SIPA1L3: variants seen among roughly 807,000 people sequenced by gnomAD.
The protein encoded by SIPA1L3 is signal induced proliferation associated 1 like 3.
In SIPA1L3, 59 loss-of-function variants were observed where a neutral mutation model predicts 150.1. The observed-to-expected ratio is 0.39, with a 90% CI of 0.32 to 0.49. SIPA1L3 has a LOEUF of 0.49. Among genes scored for constraint, SIPA1L3 ranks in the 20% least tolerant of loss-of-function variants. The pLI, the probability that SIPA1L3 is intolerant of heterozygous loss-of-function variation, is 0.86. For synonymous variants in SIPA1L3, 1,070 were observed against 1,077.6 expected (o/e 0.99, Z 0.14); for missense variants, 2,211 against 2,489.5 (o/e 0.89, Z 2.38).
In SIPA1L3 at chr19:38,206,422, C is replaced by T. The variant is rs745534063; in HGVS notation, c.*182C>T. On this transcript the variant is annotated 3_prime_UTR_variant, in exon 22 of 22. Coordinates refer to ENST00000222345, the MANE Select transcript of SIPA1L3 (RefSeq NM_015073.3). ...TGAGTCAGGGTCAGCGCGCACAGCC[C>T]TCATGCCCCAGAGGGCGAAGTGGTC... 22 of 675,486 alleles carry T rather than the reference C, an allele frequency of 3.3e-5. No homozygotes were observed. Among genetic ancestry groups the T allele is most frequent in the Non-Finnish European group, 4.5e-5 (19 of 423,646 alleles). The allele number at this position is 675,486 out of a possible 1,614,324, so 41.8% of individuals were successfully genotyped here.
At chr19:38,120,791 G>A (rs1970997485) in intron 9 of SIPA1L3, among the ~76,000 whole-genome samples, 1 of 152,232 alleles carries the variant, frequency 6.6e-6, no homozygotes, top group African/African-American at 2.4e-5. Context: ...ATTGTGCTGA[G>A]AAGTACTCAG....
At chr19:38,018,182 T>TA (rs1968283386) in intron 1 of SIPA1L3, among the ~76,000 whole-genome samples, 1 of 147,404 alleles carries the variant, frequency 6.8e-6, no homozygotes, top group Non-Finnish European at 1.5e-5. Flanking sequence ...TTTTTTTTTT[T>TA]AGGCAGAGTC....
chr19:38,195,063 A>G (rs1475075315), intron 18 of SIPA1L3, among the ~76,000 whole-genome samples: 1 of 151,394 alleles, frequency 6.6e-6, no homozygotes, highest in Non-Finnish European at 1.5e-5. Flanking sequence ...AAAAAAAAAA[A>G]CTTCCCCTGC....
At chr19:38,050,991 G>T (rs1382981371) in intron 2 of SIPA1L3, among the ~76,000 whole-genome samples, 1 of 152,016 alleles carries the variant, frequency 6.6e-6, no homozygotes, top group African/African-American at 2.4e-5. Flanking sequence ...CCTGGGAGGC[G>T]GAGGTTGCAG....
chr19:38,055,530 A>C (rs1483413036), intron 2 of SIPA1L3, among the ~76,000 whole-genome samples: 1 of 152,232 alleles, frequency 6.6e-6, no homozygotes, highest in African/African-American at 2.4e-5. Flanking sequence ...CACTGGCCAT[A>C]ATCAGATACA....
intron 2 of SIPA1L3, among the ~76,000 whole-genome samples, chr19:38,061,197 T>C (rs1969438459): frequency 6.6e-6 from 1 of 151,670 alleles, no homozygotes; most frequent in Non-Finnish European, 1.5e-5. Context: ...AGTGACTCTT[T>C]TATTTAGCAC....
intron 21 of SIPA1L3, 139 bp from the exon 22 acceptor site, chr19:38,205,958 G>A (rs1973200374): frequency 6.2e-6 from 6 of 968,900 alleles, no homozygotes; most frequent in African/African-American, 1.7e-5. Context: ...AGAGTGGGAT[G>A]TGTGCCCCGG....
In SIPA1L3 at chr19:38,081,712, T is replaced by C; in HGVS notation, c.147T>C (p.Pro49=). 1.2e-6 allele frequency: 2 copies of C among 1,609,400 alleles called. No homozygotes were observed. Among genetic ancestry groups the C allele is most frequent in the Non-Finnish European group, 1.7e-6 (2 of 1,178,904 alleles). The change falls in exon 3 of 22, where the codon CCT becomes CCC. Residue 49 remains proline (P), a synonymous_variant. Transcript: ENST00000222345. ...FWAQNGSMSQ[P]LGESPATATA... The stretch of plus-strand genomic sequence containing the variant: ...CCCAGAATGGCAGCATGTCCCAGCC[T>C]CTTGGCGAGAGCCCGGCCACCGCCA...
Position 37,929,326 on chromosome 19 carries a change from C to T in SIPA1L3, c.-379+21968C>T, listed in dbSNP as rs372324773. Among the ~76,000 whole-genome samples, 5 of 152,276 alleles carry T rather than the reference C, an allele frequency of 3.3e-5. No individual in the cohort carries two copies. In the East Asian group the frequency reaches 7.7e-4, roughly 23 times the overall value. ...GGGGGAGGGATATTGGGTAGGCAGA[C>T]AATTGGTTTTGCTGCAGAAATAAGT... is the stretch of plus-strand genomic sequence containing the variant. On this transcript the variant is annotated intron_variant, in intron 1 of 21. Transcript: ENST00000222345.
rs751099909 is a variant in SIPA1L3 at position 38,081,537 on chromosome 19, G to C, written c.-29G>C. ...CATAGAGTGACACCACAGCGTACGGGGCCAGCAGCACTCCAGTGCCCGTGG... is the reference window on the plus strand; with the variant it reads ...CATAGAGTGACACCACAGCGTACGGCGCCAGCAGCACTCCAGTGCCCGTGG... On this transcript the variant is annotated 5_prime_UTR_variant, in exon 3 of 22. Transcript: ENST00000222345. The C allele has an allele frequency of 6.5e-7, 1 of 1,548,148 alleles. No homozygotes were observed. Among genetic ancestry groups the C allele is most frequent in the Admixed American group, 1.8e-5 (1 of 54,288 alleles).
intron 2 of SIPA1L3, among the ~76,000 whole-genome samples, chr19:38,051,032 G>A (rs1203286784): frequency 6.6e-6 from 1 of 152,158 alleles, no homozygotes; most frequent in Non-Finnish European, 1.5e-5. Context: ...GCACTCCAGC[G>A]TGGGTGACAG....
intron 21 of SIPA1L3, among the ~76,000 whole-genome samples, chr19:38,204,861 C>G (rs1015490301): frequency 6.6e-6 from 1 of 152,198 alleles, no homozygotes; most frequent in Non-Finnish European, 1.5e-5. Context: ...CAAGGACGTT[C>G]GTTGCCACAC....
chr19:38,120,180 C>T (rs534220512), intron 9 of SIPA1L3, among the ~76,000 whole-genome samples: 4 of 152,090 alleles, frequency 2.6e-5, no homozygotes, highest in African/African-American at 9.6e-5. Context: ...AAATGTAGGC[C>T]AGGCGCCATG....
At chr19:38,071,849 C>G (rs1390502744) in intron 2 of SIPA1L3, among the ~76,000 whole-genome samples, 2 of 152,224 alleles carry the variant, frequency 1.3e-5, no homozygotes, top group Non-Finnish European at 2.9e-5. Flanking sequence ...CATAGCTTAG[C>G]TCATCCCGCC....
chr19:38,123,173 G>A (rs75015819), intron 9 of SIPA1L3, among the ~76,000 whole-genome samples: 248 of 152,246 alleles, frequency 1.6e-3, no homozygotes, highest in African/African-American at 5.4e-3. Context: ...AGCCTGATGA[G>A]GTCCTCACTT....
intron 4 of SIPA1L3, among the ~76,000 whole-genome samples, chr19:38,095,952 A>C (rs932574929): frequency 6.6e-6 from 1 of 152,208 alleles, no homozygotes; most frequent in East Asian, 1.9e-4. Flanking sequence ...GTCTTAACTG[A>C]AACCCACAAC....
chr19:38,192,047 A>T (rs763102433), intron 16 of SIPA1L3, 98 bp from the exon 17 acceptor site: 1 of 1,111,916 alleles, frequency 9.0e-7, no homozygotes, highest in African/African-American at 1.6e-5. Context: ...GGCTGTGGCC[A>T]TGCGTCCCGT....
intron 13 of SIPA1L3, among the ~76,000 whole-genome samples, chr19:38,161,356 A>C (rs1409534048): frequency 1.3e-5 from 2 of 151,246 alleles, no homozygotes; most frequent in Non-Finnish European, 2.9e-5. Context: ...AAAAAAAAAA[A>C]AAAAACTATG....
chr19:38,058,704 T>C (rs1044785699), intron 2 of SIPA1L3, among the ~76,000 whole-genome samples: 1 of 151,640 alleles, frequency 6.6e-6, no homozygotes, highest in African/African-American at 2.4e-5. Flanking sequence ...AACAGCTGAG[T>C]TTTTTGTTGT....
Sources: allele counts gnomAD v4.1 joint callset (sites outside exome capture counted in the v4.1 genomes callset), GRCh38; gene constraint gnomAD v4.1.1; transcripts MANE v1.5; gene names NCBI Gene and HGNC (gene_info 2026-07-23, HGNC 2026-07-21).